GFRA1: variants seen among roughly 807,000 people sequenced by gnomAD.
The protein encoded by GFRA1 is GDNF family receptor alpha-1.
GFRA1 carries 16 observed loss-of-function variants against 51.6 expected under a neutral mutation model. The ratio of observed to expected loss-of-function variants is 0.31; its 90% confidence interval spans 0.21 to 0.47. The LOEUF is 0.47. Ranked by LOEUF, GFRA1 falls within the 20% of genes least tolerant of loss-of-function variation. The pLI is 1.00. For missense variants in GFRA1, 530 were observed against 594.3 expected (o/e 0.89, Z 1.13); for synonymous variants, 270 against 241.3 (o/e 1.12, Z -1.10).
rs543021702 is a variant in GFRA1 at position 116,158,297 on chromosome 10, A to C, written c.434-32740T>G. On this transcript the variant is annotated intron_variant, in intron 5 of 10. Coordinates refer to ENST00000355422, the MANE Select transcript of GFRA1 (RefSeq NM_005264.8). ...TTCCCTGCTGCCAGGATCACCAAGT[A>C]CACAGAGAAAATATACAACTATAAA... Among the ~76,000 whole-genome samples, 7 of 152,334 alleles carry C rather than the reference A, an allele frequency of 4.6e-5. No homozygotes were observed. The South Asian group carries it at 1.5e-3, about 32-fold the overall frequency.
intron 4 of GFRA1, among the ~76,000 whole-genome samples, chr10:116,237,859 A>G (rs1292291174): frequency 6.6e-6 from 1 of 152,206 alleles, no homozygotes; most frequent in Non-Finnish European, 1.5e-5. Flanking sequence ...CAAAAAGGTC[A>G]CAAGGAAGTG....
At chr10:116,116,587 C>T (rs1039381371) in intron 6 of GFRA1, among the ~76,000 whole-genome samples, 1 of 152,190 alleles carries the variant, frequency 6.6e-6, no homozygotes, top group Non-Finnish European at 1.5e-5. Flanking sequence ...CACTGTCCAG[C>T]AGATTGTGCC....
intron 4 of GFRA1, among the ~76,000 whole-genome samples, chr10:116,228,980 CAAAAAAAAAAAAA>C (rs57618028): frequency 0.012 from 628 of 52,912 alleles, 13 homozygotes; most frequent in African/African-American, 0.038. Flanking sequence ...TACTCCATCT[CAAAAAAAAAAAAA>C]AAAAAAAAAA....
At chr10:116,261,357 A>G (rs751931294) in intron 4 of GFRA1, among the ~76,000 whole-genome samples, 16 of 152,236 alleles carry the variant, frequency 1.1e-4, no homozygotes, top group Non-Finnish European at 1.9e-4. Context: ...ACCTCCAAAC[A>G]TCCTACTGCA....
At chr10:116,270,695 A>C (rs1047446719) in intron 3 of GFRA1, 127 bp downstream of exon 3, 9 of 757,562 alleles carry the variant, frequency 1.2e-5, no homozygotes, top group East Asian at 2.6e-5. Flanking sequence ...CCTGGGGGCC[A>C]AGGAAAGGTC....
chr10:116,110,683 C>G (rs774150221), intron 6 of GFRA1, among the ~76,000 whole-genome samples: 3 of 152,192 alleles, frequency 2.0e-5, no homozygotes, highest in Non-Finnish European at 4.4e-5. Context: ...TAGCACATGC[C>G]TGGCCCAGGG....
intron 8 of GFRA1, among the ~76,000 whole-genome samples, chr10:116,092,865 G>A (rs913772809): frequency 3.4e-4 from 52 of 152,286 alleles, no homozygotes; most frequent in African/African-American, 1.2e-3. Flanking sequence ...GCCACAGAGT[G>A]GGTTGCAATT....
At chr10:116,189,710 A>AT (rs1256816316) in intron 5 of GFRA1, among the ~76,000 whole-genome samples, 1 of 152,190 alleles carries the variant, frequency 6.6e-6, no homozygotes, top group African/African-American at 2.4e-5. Context: ...CCACTATTTT[A>AT]TTTAATGCTT....
rs1954979854 is a variant in GFRA1, at chr10:116,064,183, C to CTGAG, written c.*211_*214dup. 5.4e-6 allele frequency: 3 copies of CTGAG among 557,054 alleles called. No homozygotes were observed. Among genetic ancestry groups the CTGAG allele is most frequent in the African/African-American group, 3.8e-5 (2 of 52,626 alleles). The allele number at this position is 557,054 out of a possible 1,614,324, so 34.5% of individuals were successfully genotyped here. A position where few individuals can be genotyped will look rare whatever the true frequency, so the allele number is the denominator to read the frequency against. On this transcript the variant is annotated 3_prime_UTR_variant, in exon 11 of 11. Transcript: ENST00000355422. ...AAAATACAGCATATCCCAAAGCCTT[C>CTGAG]TGAGTTTGGATGGAGCACTGCATCA...
At chr10:116,164,483 C>T (rs1424197961) in intron 5 of GFRA1, among the ~76,000 whole-genome samples, 2 of 152,154 alleles carry the variant, frequency 1.3e-5, no homozygotes, top group African/African-American at 4.8e-5. Context: ...TGTTTATTCA[C>T]AAATCAAATA....
chr10:116,273,121 G>C (rs1844081708), intron 1 of GFRA1, 42 bp downstream of exon 1: 1 of 152,112 alleles, frequency 6.6e-6, no homozygotes, highest in Admixed American at 6.5e-5. Context: ...AAGCGGCAAT[G>C]GGTTCCCAAA....
chr10:116,247,057 A>C lies in GFRA1; in HGVS notation c.418+22446T>G, dbSNP rs562890377. The stretch of plus-strand genomic sequence containing the variant: ...GAGGCAAAGATGTTCAGATTTACAA[A>C]AAGTATTTCAATGTGTCCAAAATGG... On this transcript the variant is annotated intron_variant, in intron 4 of 10. Transcript: ENST00000355422. Among the ~76,000 whole-genome samples the C allele has an allele frequency of 1.1e-3, 175 of 152,310 alleles. 1 individual carries two copies. Among genetic ancestry groups the C allele is most frequent in the Non-Finnish European group, 2.0e-3 (135 of 68,024 alleles).
intron 9 of GFRA1, among the ~76,000 whole-genome samples, chr10:116,076,455 G>GTCATTTCAGGGTGATAGAAGA (rs1955623511): frequency 6.6e-6 from 1 of 152,152 alleles, no homozygotes; most frequent in Non-Finnish European, 1.5e-5. Context: ...GGAAGCCTGT[G>GTCATTTCAGGGTGATAGAAGA]TCATTTCAGG....
chr10:116,075,693 G>A (rs1955588606), intron 9 of GFRA1, among the ~76,000 whole-genome samples: 1 of 152,062 alleles, frequency 6.6e-6, no homozygotes, highest in South Asian at 2.1e-4. Context: ...GCACTTGTTT[G>A]CATGATCACT....
intron 6 of GFRA1, among the ~76,000 whole-genome samples, chr10:116,118,520 G>T (rs1474442124): frequency 6.6e-6 from 1 of 152,052 alleles, no homozygotes; most frequent in Non-Finnish European, 1.5e-5. Flanking sequence ...CCCTTCTTCT[G>T]CTTCACTTCC....
At chr10:116,127,383 A>G (rs1957922924) in intron 5 of GFRA1, among the ~76,000 whole-genome samples, 1 of 152,106 alleles carries the variant, frequency 6.6e-6, no homozygotes, top group Admixed American at 6.5e-5. Flanking sequence ...CTTTCAGAAA[A>G]CCCATATGTA....
At chr10:116,163,711 GAA>G (rs1388129690) in intron 5 of GFRA1, among the ~76,000 whole-genome samples, 1 of 152,142 alleles carries the variant, frequency 6.6e-6, no homozygotes, top group Non-Finnish European at 1.5e-5. Context: ...TCCCTTTTCA[GAA>G]TGGAATGCAC....
intron 5 of GFRA1, among the ~76,000 whole-genome samples, chr10:116,173,584 C>T (rs948915048): frequency 6.6e-6 from 1 of 152,118 alleles, no homozygotes; most frequent in African/African-American, 2.4e-5. Flanking sequence ...AATAACTATT[C>T]ATCGTTTTTA....
intron 4 of GFRA1, among the ~76,000 whole-genome samples, chr10:116,264,211 G>A (rs993394390): frequency 6.6e-6 from 1 of 152,034 alleles, no homozygotes; most frequent in Admixed American, 6.6e-5. Flanking sequence ...GACAGAAAGG[G>A]ACCAACACTG....
Sources: gnomAD v4.1 joint callset for allele counts (sites outside exome capture counted in the v4.1 genomes callset) on GRCh38, gnomAD v4.1.1 for gene constraint, MANE v1.5 for transcripts, NCBI Gene and HGNC (gene_info 2026-07-23, HGNC 2026-07-21) for gene names.